CLASRP: variants seen among roughly 807,000 people sequenced by gnomAD.
The protein encoded by CLASRP is CLK4 associating serine/arginine rich protein.
Under a neutral mutation model 99.9 loss-of-function variants are expected in CLASRP, and 52 were observed. That is an observed-to-expected ratio of 0.52 (90% CI 0.42 to 0.66). The LOEUF is 0.66. CLASRP is among the 30% of genes least tolerant of loss of function. CLASRP has a pLI of 0.00. For synonymous variants in CLASRP, 379 were observed against 373.0 expected (o/e 1.02, Z -0.18); for missense variants, 848 against 999.2 (o/e 0.85, Z 2.04).
intron 2 of CLASRP, among the ~76,000 whole-genome samples, chr19:45,042,516 T>C (rs1413843242): frequency 6.6e-6 from 1 of 151,428 alleles, no homozygotes; most frequent in Non-Finnish European, 1.5e-5. Context: ...AAAATTTATA[T>C]ATATATATAT....
chr19:45,067,614 A>C lies in CLASRP; in HGVS notation c.1667+20A>C. 6.4e-7 allele frequency: 1 copy of C among 1,570,916 alleles called. No homozygotes were observed. The highest frequency in any genetic ancestry group is 1.3e-5 in the African/African-American group (1 of 74,148). On this transcript the variant is annotated intron_variant, in intron 14 of 20. Transcript: ENST00000221455. The surrounding 1 kb of genome is among the most constrained non-coding windows in gnomAD (Gnocchi z 4.9). Reference sequence around the variant, plus strand: ...GAAAAAGTGAGCGGGGCGGGTCTGGAGGAAGAGGGCTGCCAATCTCGGGTG... The same window carrying C: ...GAAAAAGTGAGCGGGGCGGGTCTGGCGGAAGAGGGCTGCCAATCTCGGGTG...
intron 2 of CLASRP, among the ~76,000 whole-genome samples, chr19:45,051,105 G>T (rs1483219479): frequency 6.6e-6 from 1 of 152,034 alleles, no homozygotes; most frequent in African/African-American, 2.4e-5. Context: ...GCATTTCCCT[G>T]ATGGCTAATG....
chr19:45,053,426 G>A (rs1972064306), intron 5 of CLASRP, among the ~76,000 whole-genome samples: 1 of 151,990 alleles, frequency 6.6e-6, no homozygotes, highest in Admixed American at 6.6e-5. Context: ...CTGACTCTGT[G>A]GTCCGTTTTT....
intron 2 of CLASRP, among the ~76,000 whole-genome samples, chr19:45,041,624 T>C (rs556381026): frequency 6.6e-6 from 1 of 152,354 alleles, no homozygotes; most frequent in Admixed American, 6.5e-5. Flanking sequence ...TCCTCCAGTC[T>C]GTCCTTCCTA....
chr19:45,048,944 C>T (rs779362413), intron 2 of CLASRP, among the ~76,000 whole-genome samples: 1 of 152,132 alleles, frequency 6.6e-6, no homozygotes, highest in Non-Finnish European at 1.5e-5. Flanking sequence ...CGAGATCGCG[C>T]CATTGCACTC....
chr19:45,044,632 G>A (rs1971881245), intron 2 of CLASRP, among the ~76,000 whole-genome samples: 2 of 152,178 alleles, frequency 1.3e-5, no homozygotes, highest in Admixed American at 1.3e-4. Flanking sequence ...AGCCAGGTTT[G>A]GTGGCATGCG....
chr19:45,058,922 T>G (rs922200350), intron 7 of CLASRP, among the ~76,000 whole-genome samples: 1 of 151,390 alleles, frequency 6.6e-6, no homozygotes, highest in African/African-American at 2.4e-5. Flanking sequence ...CCATCCCTCC[T>G]TCCTTCCTTG....
intron 5 of CLASRP, among the ~76,000 whole-genome samples, chr19:45,055,307 A>G (rs1403802431): frequency 6.6e-6 from 1 of 152,252 alleles, no homozygotes; most frequent in African/African-American, 2.4e-5. Flanking sequence ...GGCCGAGAGC[A>G]GCCTGTGCAA....
chr19:45,068,309 T>TCCCC (rs1967141468), intron 15 of CLASRP, 111 bp from the exon 16 acceptor site: 1 of 650,738 alleles, frequency 1.5e-6, no homozygotes, highest in African/African-American at 2.0e-5. Context: ...CCCACGTCGT[T>TCCCC]CTCCCCCCCC....
At chr19:45,051,576 G>T (rs1487422828) in intron 2 of CLASRP, among the ~76,000 whole-genome samples, 1 of 152,152 alleles carries the variant, frequency 6.6e-6, no homozygotes, top group Non-Finnish European at 1.5e-5. Flanking sequence ...AAAGTGTTGA[G>T]ATTACAGGCG....
In CLASRP at chr19:45,055,390, A is replaced by C. The variant is rs367974867; in HGVS notation, c.380-1060A>C. ...AGGCCCGTGTGGCTGGAGCAGGGAG[A>C]GCGAGGGCGCTTGTGCAAGACAGGG... On this transcript the variant is annotated intron_variant, in intron 5 of 20. Coordinates refer to ENST00000221455, the MANE Select transcript of CLASRP (RefSeq NM_007056.3). 5.1e-4 allele frequency among the ~76,000 whole-genome samples: 77 copies of C among 152,272 alleles called. 1 individual carries two copies. Among genetic ancestry groups the C allele is most frequent in the African/African-American group, 1.8e-3 (75 of 41,562 alleles).
chr19:45,070,177 C>T, intron 19 of CLASRP, 73 bp downstream of exon 19: 2 of 1,011,204 alleles, frequency 2.0e-6, no homozygotes, highest in South Asian at 2.5e-5. Context: ...CCAAAAAAAC[C>T]ATAGTACAGC....
In CLASRP at chr19:45,062,319, T is replaced by C. The variant is rs913192664; in HGVS notation, c.905+124T>C. The C allele has an allele frequency of 8.6e-5, 61 of 707,700 alleles. 1 individual carries two copies. In the East Asian group the frequency reaches 1.5e-3, roughly 18 times the overall value. The allele number at this position is 707,700 out of a possible 1,614,324, so 43.8% of individuals were successfully genotyped here. The stretch of plus-strand genomic sequence containing the variant: ...CCCCAAGATCACAGACTGCATGATA[T>C]GTTCTGGGTCTGAATCATTTTTGTG... On this transcript the variant is annotated intron_variant, in intron 11 of 20. Coordinates refer to ENST00000221455, the MANE Select transcript of CLASRP (RefSeq NM_007056.3).
At chr19:45,070,695 C>A in intron 20 of CLASRP, 108 bp from the exon 21 acceptor site, 1 of 1,303,654 alleles carries the variant, frequency 7.7e-7, no homozygotes, top group Non-Finnish European at 1.1e-6. Context: ...CCTTGGGGAA[C>A]ATCCTTCCCT....
At chr19:45,059,229 G>A (rs1014953869) in intron 7 of CLASRP, 39 bp from the exon 8 acceptor site, 26 of 1,558,302 alleles carry the variant, frequency 1.7e-5, no homozygotes, top group Non-Finnish European at 2.2e-5. Context: ...CTGTCCTCTC[G>A]CTCGGCCGTG....
At chr19:45,058,888 C>G (rs192231287) in intron 7 of CLASRP, among the ~76,000 whole-genome samples, 5 of 152,032 alleles carry the variant, frequency 3.3e-5, no homozygotes, top group Admixed American at 3.3e-4. Flanking sequence ...CCTCACTCAT[C>G]CATTCCTCCC....
chr19:45,059,388 C>CT, intron 8 of CLASRP, 24 bp downstream of exon 8: 4 of 1,547,004 alleles, frequency 2.6e-6, no homozygotes, highest in Non-Finnish European at 2.6e-6. Flanking sequence ...GCTGACACCC[C>CT]TACCCATTCT....
chr19:45,053,447 T>C (rs1302653764), intron 5 of CLASRP, among the ~76,000 whole-genome samples: 2 of 152,094 alleles, frequency 1.3e-5, no homozygotes, highest in Admixed American at 6.6e-5. Flanking sequence ...CTTTAAAAAA[T>C]AGAGAAAATA....
In CLASRP at chr19:45,060,697, A is replaced by G; in HGVS notation, c.863+70A>G. 7.9e-7 allele frequency: 1 copy of G among 1,259,500 alleles called. No homozygotes were observed. 78.0% of individuals were successfully genotyped at this position (1,259,500 alleles called of 1,614,324 possible). On this transcript the variant is annotated intron_variant, in intron 10 of 20. Coordinates refer to ENST00000221455, the MANE Select transcript of CLASRP (RefSeq NM_007056.3). The surrounding 1 kb of genome is among the most constrained non-coding windows in gnomAD (Gnocchi z 4.6). ...GGAGAGCAGGGGCTTAGGGCCTGAG[A>G]AAGCTCTTTGGAGGCAGGCATTTGA...
Sources: allele counts gnomAD v4.1 joint callset (sites outside exome capture counted in the v4.1 genomes callset), GRCh38; gene constraint gnomAD v4.1.1; non-coding constraint Gnocchi (gnomAD v3.1); transcripts MANE v1.5; gene names NCBI Gene and HGNC (gene_info 2026-07-23, HGNC 2026-07-21).